The following GYPE variants were observed in gnomAD, a reference collection of about 807,000 sequenced individuals.
GYPE encodes glycophorin-E.
In GYPE, 8 loss-of-function variants were observed where a neutral mutation model predicts 11.6. The ratio of observed to expected loss-of-function variants is 0.69; its 90% confidence interval spans 0.41 to 1.25. The LOEUF is 1.25. Among genes scored for constraint, GYPE ranks in the 50% most tolerant of loss-of-function variants. The pLI is 0.01. For missense variants in GYPE, 90 were observed against 92.8 expected (o/e 0.97, Z 0.12); for synonymous variants, 28 against 29.6 (o/e 0.94, Z 0.18).
At position 143,871,391 on chromosome 4, in the gene GYPE, C is replaced by T. The variant is rs577314807; in HGVS notation, c.*871G>A. Reference sequence around the variant, plus strand: ...CTTCCATAAGTAGCCACTAGGACCACGGCTGAAACCAAGAGGCACTGATTA... The same window carrying T: ...CTTCCATAAGTAGCCACTAGGACCATGGCTGAAACCAAGAGGCACTGATTA... On this transcript the variant is annotated 3_prime_UTR_variant, in exon 4 of 4. Coordinates refer to ENST00000358615, the MANE Select transcript of GYPE (RefSeq NM_198682.3). 36 of 152,280 alleles carry T rather than the reference C, an allele frequency of 2.4e-4. No homozygotes were observed. Among genetic ancestry groups the T allele is most frequent in the African/African-American group, 8.2e-4 (34 of 41,558 alleles). 9.4% of individuals were successfully genotyped at this position (152,280 alleles called of 1,614,324 possible).
chr4:143,896,975 G>T (rs1292757381), intron 1 of GYPE, among the ~76,000 whole-genome samples: 2 of 151,836 alleles, frequency 1.3e-5, no homozygotes, highest in Non-Finnish European at 2.9e-5. Context: ...CATGGACACA[G>T]GAAGGGGAAC....
At chr4:143,880,557 G>T in intron 1 of GYPE, 48 bp from the exon 2 acceptor site, 1 of 1,612,934 alleles carries the variant, frequency 6.2e-7, no homozygotes, top group Non-Finnish European at 8.5e-7. Context: ...AGGTGACTGA[G>T]CGGACCATAA....
chr4:143,898,727 G>A (rs558270615), intron 1 of GYPE, among the ~76,000 whole-genome samples: 5 of 152,210 alleles, frequency 3.3e-5, no homozygotes, highest in Admixed American at 6.5e-5. Context: ...TTTTGCTAAC[G>A]AATCAATGAA....
At chr4:143,878,919 C>A (rs1353667700) in intron 2 of GYPE, among the ~76,000 whole-genome samples, 2 of 152,056 alleles carry the variant, frequency 1.3e-5, no homozygotes, top group Non-Finnish European at 2.9e-5. Flanking sequence ...AGCAAATTGT[C>A]TTATAACTGA....
At chr4:143,884,086 G>A (rs1206906609) in intron 1 of GYPE, among the ~76,000 whole-genome samples, 2 of 151,420 alleles carry the variant, frequency 1.3e-5, no homozygotes, top group Non-Finnish European at 2.9e-5. Context: ...CATCTTCATT[G>A]CTTCGCCCTT....
intron 1 of GYPE, among the ~76,000 whole-genome samples, chr4:143,902,496 C>T (rs889322390): frequency 6.6e-6 from 1 of 151,948 alleles, no homozygotes; most frequent in East Asian, 1.9e-4. Flanking sequence ...ACAAATATTT[C>T]CTCTTTCCTT....
chr4:143,893,708 G>A (rs1351381696), intron 1 of GYPE, among the ~76,000 whole-genome samples: 1 of 152,064 alleles, frequency 6.6e-6, no homozygotes, highest in South Asian at 2.1e-4. Flanking sequence ...TTCCCTTTGT[G>A]GGTAACCCGA....
At position 143,874,933 on chromosome 4, in the gene GYPE, T is replaced by A. The variant is rs925806246; in HGVS notation, c.*9+1813A>T. On this transcript the variant is annotated intron_variant, in intron 3 of 3. Coordinates refer to ENST00000358615, the MANE Select transcript of GYPE (RefSeq NM_198682.3). ...TAACTCCTGGCAGGTGAACTATAAT[T>A]AAGATCAATGGATGCTAAAGTAAGC... Among the ~76,000 whole-genome samples the A allele has an allele frequency of 5.1e-4, 77 of 152,174 alleles. 1 individual carries two copies. The highest frequency in any genetic ancestry group is 1.8e-4 in the Non-Finnish European group (12 of 68,036).
At chr4:143,901,832 T>C (rs967079033) in intron 1 of GYPE, among the ~76,000 whole-genome samples, 19 of 152,080 alleles carry the variant, frequency 1.2e-4, no homozygotes, top group Non-Finnish European at 2.2e-4. Context: ...TAATTTAAAA[T>C]CACTACGAAG....
intron 1 of GYPE, among the ~76,000 whole-genome samples, chr4:143,884,939 C>G (rs4091837): frequency 0.44 from 60,179 of 136,888 alleles, 9,987 homozygotes; most frequent in South Asian, 0.51. Flanking sequence ...TGGTTTGAAG[C>G]AGTTTTTTAT....
In GYPE at chr4:143,896,982, G is replaced by GAAC. The variant is rs540755214; in HGVS notation, c.37+8486_37+8488dup. Among the ~76,000 whole-genome samples, 3 of 144,554 alleles carry GAAC rather than the reference G, an allele frequency of 2.1e-5. No homozygotes were observed. The Admixed American group carries it at 2.1e-4, about 10-fold the overall frequency. The allele number at this position is 144,554 out of a possible 152,430, so 94.8% of individuals were successfully genotyped here. On this transcript the variant is annotated intron_variant, in intron 1 of 3. Transcript: ENST00000358615. ...TGAGAACACATGGACACAGGAAGGG[G>GAAC]AACATCACACTCTGGGGACTGTTGT...
In GYPE at chr4:143,888,569, G is replaced by C. The variant is rs531998199; in HGVS notation, c.38-8060C>G. 2.0e-5 allele frequency among the ~76,000 whole-genome samples: 3 copies of C among 149,654 alleles called. No individual in the cohort carries two copies. The East Asian group carries it at 6.2e-4, about 31-fold the overall frequency. On this transcript the variant is annotated intron_variant, in intron 1 of 3. Transcript: ENST00000358615. Reference sequence around the variant, plus strand: ...TGTGGAAGTTATGCTCAGCTAATTTGTGGTAAAACTGGGACAAAAACTCAT... The same window carrying C: ...TGTGGAAGTTATGCTCAGCTAATTTCTGGTAAAACTGGGACAAAAACTCAT...
chr4:143,874,606 A>G (rs1298434503), intron 3 of GYPE, among the ~76,000 whole-genome samples: 2 of 152,172 alleles, frequency 1.3e-5, no homozygotes, highest in African/African-American at 4.8e-5. Flanking sequence ...AGGATGGGAG[A>G]AAAGAGACCT....
At chr4:143,895,898 C>A (rs971493820) in intron 1 of GYPE, among the ~76,000 whole-genome samples, 26 of 151,980 alleles carry the variant, frequency 1.7e-4, no homozygotes, top group African/African-American at 4.3e-4. Context: ...GAAAAACAAG[C>A]AATGGGGAAA....
chr4:143,877,862 G>A (rs1402654379), intron 2 of GYPE, among the ~76,000 whole-genome samples: 2 of 148,362 alleles, frequency 1.3e-5, no homozygotes, highest in African/African-American at 5.0e-5. Flanking sequence ...TTCAGCAGAG[G>A]TTGTCAAGAT....
At chr4:143,878,701 A>T (rs1381856922) in intron 2 of GYPE, 1 of 491,490 alleles carries the variant, frequency 2.0e-6, no homozygotes, top group Non-Finnish European at 4.2e-6. Flanking sequence ...TTTCAATGTA[A>T]GTCCAAATAA....
chr4:143,883,271 G>A (rs1166899660), intron 1 of GYPE, among the ~76,000 whole-genome samples: 4 of 151,858 alleles, frequency 2.6e-5, no homozygotes, highest in South Asian at 2.1e-4. Flanking sequence ...CTTTCCCTTC[G>A]TCTTTTGCCA....
chr4:143,898,848 A>G lies in GYPE; in HGVS notation c.37+6623T>C, dbSNP rs184419800. Among the ~76,000 whole-genome samples the G allele has an allele frequency of 5.0e-3, 757 of 152,164 alleles. 4 individuals carry two copies. Among genetic ancestry groups the G allele is most frequent in the Non-Finnish European group, 7.1e-3 (485 of 67,992 alleles). On this transcript the variant is annotated intron_variant, in intron 1 of 3. Coordinates refer to ENST00000358615, the MANE Select transcript of GYPE (RefSeq NM_198682.3). ...TCTGAATCTAGCAGAATAGTTCAGG[A>G]AAGGTAGCAAGGGGAGAACTTTTGT...
At chr4:143,905,364 C>T in intron 1 of GYPE, 107 bp downstream of exon 1, 1 of 1,547,880 alleles carries the variant, frequency 6.5e-7, no homozygotes, top group Non-Finnish European at 8.8e-7. Context: ...GGAAATACTA[C>T]TCATTTATGC....
Sources: allele counts gnomAD v4.1 joint callset (sites outside exome capture counted in the v4.1 genomes callset), GRCh38; gene constraint gnomAD v4.1.1; transcripts MANE v1.5; gene names NCBI Gene and HGNC (gene_info 2026-07-23, HGNC 2026-07-21).